The following HDGFL2 variants were observed in gnomAD, a reference collection of about 807,000 sequenced individuals.
HDGFL2 encodes the protein HDGF like 2, also known as hepatoma-derived growth factor-related protein 2.
A neutral mutation model predicts 77.1 loss-of-function variants in HDGFL2; 36 were observed. The ratio of observed to expected loss-of-function variants is 0.47; its 90% CI spans 0.36 to 0.62. HDGFL2 has a LOEUF of 0.62. Among genes scored for constraint, HDGFL2 ranks in the 20% least tolerant of loss-of-function variants. The probability of loss-of-function intolerance (pLI) is 0.00; values close to 1 mark genes in which losing one functional copy is unlikely to be tolerated. For missense variants in HDGFL2, 976 were observed against 973.4 expected, an observed-to-expected ratio of 1.00 and a Z score of -0.04; for synonymous variants, 463 against 413.1, an observed-to-expected ratio of 1.12 and a Z score of -1.46.
At chr19:4,493,052 GGTGT>G (rs1208766162) in intron 6 of HDGFL2, among the ~76,000 whole-genome samples, 2 of 130,246 alleles carry the variant, frequency 1.5e-5, no homozygotes, top group East Asian at 4.8e-4. Flanking sequence ...GTATCTGTGT[GGTGT>G]GTGTGTTGTC....
chr19:4,492,876 TGTG>T (rs778285486), intron 6 of HDGFL2, among the ~76,000 whole-genome samples: 257 of 126,094 alleles, frequency 2.0e-3, no homozygotes, highest in African/African-American at 5.8e-3. Flanking sequence ...GTGTGTGTGG[TGTG>T]GTGTGTGTTA....
At chr19:4,494,522 T>C in intron 9 of HDGFL2, 47 bp downstream of exon 9, 1 of 1,290,832 alleles carries the variant, frequency 7.7e-7, no homozygotes, top group East Asian at 3.1e-5. Context: ...TCCACACGTT[T>C]ATGGAGCATC....
At position 4,494,416 on chromosome 19, in the gene HDGFL2, C is replaced by A; in HGVS notation, c.1165C>A (p.Arg389=). Residue 389 remains arginine (R), a synonymous_variant, in exon 9 of 16, where the codon CGG becomes AGG. Coordinates refer to ENST00000616600, the MANE Select transcript of HDGFL2 (RefSeq NM_001001520.3). ...EPVKKRGRKG[R]GRGPPSSSDS... is the part of the protein sequence containing the mutation. ...CGTCAAGAAGCGGGGACGCAAGGGC[C>A]GGGGCCGGGGTCCCCCGTCCTCCTC... 7.1e-7 allele frequency: 1 copy of A among 1,402,920 alleles called. No homozygotes were observed. 86.9% of individuals were successfully genotyped at this position (1,402,920 alleles called of 1,614,324 possible).
intron 14 of HDGFL2, among the ~76,000 whole-genome samples, chr19:4,500,421 G>T (rs1411064033): frequency 6.6e-6 from 1 of 151,410 alleles, no homozygotes; most frequent in African/African-American, 2.4e-5. Context: ...GAGGAGCTGG[G>T]ATTGTAGGCC....
intron 4 of HDGFL2, among the ~76,000 whole-genome samples, chr19:4,490,161 C>T (rs886206891): frequency 2.6e-5 from 4 of 152,204 alleles, no homozygotes; most frequent in African/African-American, 9.6e-5. Context: ...GATCTCTGCT[C>T]ACTGCATCCT....
intron 6 of HDGFL2, among the ~76,000 whole-genome samples, chr19:4,492,714 GGT>G (rs1255463743): frequency 6.9e-6 from 1 of 144,074 alleles, no homozygotes; most frequent in African/African-American, 2.6e-5. Flanking sequence ...GTCTGTGTGT[GGT>G]GTGTGGTGTG....
chr19:4,493,275 G>A lies in HDGFL2; in HGVS notation c.679-428G>A, dbSNP rs533636035. 1.3e-4 allele frequency among the ~76,000 whole-genome samples: 19 copies of A among 150,588 alleles called. No homozygotes were observed. The South Asian group carries it at 4.0e-3, about 32-fold the overall frequency. ...TTGTCTGTGTGTGTGTGTGGTGTGT[G>A]TGTTGTCTGTGTGTGGTGTGTGTGT... On this transcript the variant is annotated intron_variant, in intron 6 of 15. Transcript: ENST00000616600.
rs1010096531 is a variant in HDGFL2 at position 4,490,069 on chromosome 19, G to T, written c.489+1193G>T. On this transcript the variant is annotated intron_variant, in intron 4 of 15. Coordinates refer to ENST00000616600, the MANE Select transcript of HDGFL2 (RefSeq NM_001001520.3). ...TCAGGGTGCATCCGCACTGCAGCCC[G>T]GGTCAGCTCCATTCGTTTCATTTAT... Among the ~76,000 whole-genome samples the T allele has an allele frequency of 2.0e-5, 3 of 152,092 alleles. No homozygotes were observed. The South Asian group carries it at 6.2e-4, about 32-fold the overall frequency.
At chr19:4,473,378 GT>G (rs893199274) in intron 1 of HDGFL2, among the ~76,000 whole-genome samples, 1 of 151,896 alleles carries the variant, frequency 6.6e-6, no homozygotes, top group African/African-American at 2.4e-5. Flanking sequence ...GTGTCTGGGG[GT>G]GTCCAGGGTG....
At chr19:4,498,787 C>T in intron 12 of HDGFL2, 27 bp from the exon 13 acceptor site, 1 of 1,534,098 alleles carries the variant, frequency 6.5e-7, no homozygotes, top group Non-Finnish European at 8.9e-7. Flanking sequence ...GCCAGGCCGT[C>T]TCCCTCACTC....
intron 13 of HDGFL2, 30 bp from the exon 14 acceptor site, chr19:4,499,461 G>A (rs1262274644): frequency 1.2e-6 from 2 of 1,602,298 alleles, no homozygotes; most frequent in Admixed American, 3.4e-5. Flanking sequence ...CTGCACTTGG[G>A]TGAGCCAGGC....
At chr19:4,486,282 C>T (rs539851908) in intron 3 of HDGFL2, 1 of 152,070 alleles carries the variant, frequency 6.6e-6, no homozygotes, top group Non-Finnish European at 1.5e-5. Flanking sequence ...ACCATGAGCT[C>T]CCTGACAGCA....
At chr19:4,476,498 G>T (rs1038852377) in intron 3 of HDGFL2, among the ~76,000 whole-genome samples, 2 of 151,828 alleles carry the variant, frequency 1.3e-5, no homozygotes, top group South Asian at 4.2e-4. Context: ...TGGCCAGCCC[G>T]AATTTCTAAC....
chr19:4,493,766 G>A lies in HDGFL2; in HGVS notation c.742G>A (p.Val248Met), dbSNP rs1975615054. 1 of 1,543,046 alleles carries A rather than the reference G, an allele frequency of 6.5e-7. No homozygotes were observed. The highest frequency in any genetic ancestry group is 8.8e-7 in the Non-Finnish European group (1 of 1,141,072). Residue 248 changes from valine to methionine, a missense_variant, in exon 7 of 16, where the codon GTG (valine) becomes ATG (methionine). Transcript: ENST00000616600. The stretch of plus-strand genomic sequence containing the variant: ...TTCGGACGGGGCCAAGCCTGAGCCG[G>A]TGGCCATGGCGCGGTCGGCGTCCTC... ...ADSDGAKPEP[V>M]AMARSASSSS...
intron 10 of HDGFL2, 61 bp from the exon 11 acceptor site, chr19:4,497,897 C>T (rs1770748679): frequency 2.1e-6 from 3 of 1,446,440 alleles, no homozygotes; most frequent in Admixed American, 4.1e-5. Flanking sequence ...CTTCAGGCGC[C>T]AGCCCCTCAG....
At chr19:4,482,461 G>A (rs1975245652) in intron 3 of HDGFL2, among the ~76,000 whole-genome samples, 1 of 152,072 alleles carries the variant, frequency 6.6e-6, no homozygotes, top group Non-Finnish European at 1.5e-5. Context: ...ACCCCTATCG[G>A]CCTCCCCAAG....
In HDGFL2 at chr19:4,494,149, GC is replaced by G. The variant is rs1975631706; in HGVS notation, c.915-12del. ...GAGGGAGGAACGGAGGTCCCCAACC[GC>G]CCCCTCCGCCTCCAGTGACAGCGAC... is the stretch of plus-strand genomic sequence containing the variant. On this transcript the variant is annotated splice_polypyrimidine_tract_variant and intron_variant, in intron 8 of 15. Transcript: ENST00000616600. The G allele has an allele frequency of 1.3e-6, 2 of 1,488,012 alleles. No individual in the cohort carries two copies. The allele number at this position is 1,488,012 out of a possible 1,614,324, so 92.2% of individuals were successfully genotyped here. A position where few individuals can be genotyped will look rare whatever the true frequency, so the allele number is the denominator to read the frequency against.
In HDGFL2 at chr19:4,475,284, A is replaced by G. The variant is rs576541957; in HGVS notation, c.82A>G (p.Ile28Val). ...YPHWPARIDD[I>V]ADGAVKPPPN... The stretch of plus-strand genomic sequence containing the variant: ...TGGCCTCTCACTGCAGATCGACGAC[A>G]TCGCGGATGGCGCCGTGAAGCCCCC... The change falls in exon 2 of 16, where the codon ATC becomes GTC. Residue 28 changes from isoleucine (I) to valine (V), a missense_variant. Physicochemically the swap from Ile to Val is conservative, Grantham distance 29 (BLOSUM62 3). Transcript: ENST00000616600. 6.2e-7 allele frequency: 1 copy of G among 1,614,030 alleles called. No homozygotes were observed. The highest frequency in any genetic ancestry group is 2.2e-5 in the East Asian group (1 of 44,860).
At chr19:4,491,711 G>A in intron 5 of HDGFL2, 29 bp downstream of exon 5, 1 of 1,612,552 alleles carries the variant, frequency 6.2e-7, no homozygotes, top group Middle Eastern at 1.7e-4. Flanking sequence ...GGGATGGCAG[G>A]GAAGCGTGGT....
Sources: gnomAD v4.1 joint callset for allele counts (sites outside exome capture counted in the v4.1 genomes callset) on GRCh38, gnomAD v4.1.1 for gene constraint, MANE v1.5 for transcripts, NCBI Gene and HGNC (gene_info 2026-07-23, HGNC 2026-07-21) for gene names.